The following ADAMTS20 variants were observed in gnomAD, a reference collection of about 807,000 sequenced individuals.
ADAMTS20 encodes the protein ADAM metallopeptidase with thrombospondin type 1 motif 20, also known as A disintegrin and metalloproteinase with thrombospondin motifs 20.
ADAMTS20 carries 225 observed loss-of-function variants against 260.1 expected under a neutral mutation model. That is an observed-to-expected ratio of 0.87 (90% CI 0.78 to 0.97). The LOEUF is 0.97. Ranked by LOEUF, ADAMTS20 falls within the 50% of genes least tolerant of loss-of-function variation. The pLI is 0.00. For missense variants in ADAMTS20, 2,400 were observed against 2,337.7 expected (o/e 1.03, Z -0.55); for synonymous variants, 802 against 769.5 (o/e 1.04, Z -0.70).
At chr12:43,353,566 A>G (rs1939680390), downstream of ADAMTS20, among the ~76,000 whole-genome samples, 1 of 151,992 alleles carries the variant, frequency 6.6e-6, no homozygotes, top group African/African-American at 2.4e-5. Flanking sequence ...TTACTATTTA[A>G]CCCAAACATA....
At chr12:43,403,377 T>G (rs984700842) in intron 28 of ADAMTS20, among the ~76,000 whole-genome samples, 3 of 152,098 alleles carry the variant, frequency 2.0e-5, no homozygotes, top group Non-Finnish European at 4.4e-5. Context: ...TTGTAGGAAA[T>G]GGAAGCCTTG....
At chr12:43,383,453 C>T (rs1940397540) in intron 31 of ADAMTS20, 105 bp downstream of exon 31, 4 of 1,121,844 alleles carry the variant, frequency 3.6e-6, no homozygotes, top group Admixed American at 2.7e-5. Flanking sequence ...ATACCATCAT[C>T]TGCCCTCATA....
At chr12:43,436,983 T>C (rs1483079182) in intron 18 of ADAMTS20, among the ~76,000 whole-genome samples, 1 of 152,214 alleles carries the variant, frequency 6.6e-6, no homozygotes, top group African/African-American at 2.4e-5. Context: ...TTAACTTGTC[T>C]GACCCACAGA....
chr12:43,430,716 T>C (rs905425496), intron 22 of ADAMTS20, among the ~76,000 whole-genome samples: 2 of 152,168 alleles, frequency 1.3e-5, no homozygotes, highest in African/African-American at 2.4e-5. Flanking sequence ...AAAGTTGTCA[T>C]ATAAAAATAT....
chr12:43,458,336 G>A (rs1244798130), intron 11 of ADAMTS20, among the ~76,000 whole-genome samples: 1 of 152,234 alleles, frequency 6.6e-6, no homozygotes, highest in Non-Finnish European at 1.5e-5. Flanking sequence ...GGTTTGTCCT[G>A]AGACGTTCCC....
intron 2 of ADAMTS20, among the ~76,000 whole-genome samples, chr12:43,537,605 G>A (rs1356038367): frequency 6.6e-6 from 1 of 151,820 alleles, no homozygotes; most frequent in Non-Finnish European, 1.5e-5. Flanking sequence ...CTAGCAAATA[G>A]GTCTTACTCA....
At chr12:43,431,544 C>G in intron 21 of ADAMTS20, 48 bp from the exon 22 acceptor site, 1 of 1,598,634 alleles carries the variant, frequency 6.3e-7, no homozygotes, top group Non-Finnish European at 8.6e-7. Context: ...TTAGTCAACA[C>G]AAATGCCTTA....
chr12:43,384,844 T>C (rs1438181481), intron 29 of ADAMTS20, among the ~76,000 whole-genome samples: 1 of 152,228 alleles, frequency 6.6e-6, no homozygotes, highest in Admixed American at 6.5e-5. Context: ...ATTTTCTTTA[T>C]CCAGTCTATT....
intron 11 of ADAMTS20, among the ~76,000 whole-genome samples, chr12:43,456,641 T>G (rs1941968825): frequency 6.6e-6 from 1 of 152,198 alleles, no homozygotes; most frequent in African/African-American, 2.4e-5. Context: ...TCCTCACAGA[T>G]GGAACAATGG....
Position 43,383,613 on chromosome 12 carries a change from T to C in ADAMTS20, c.4742A>G (p.Lys1581Arg). 6.2e-7 allele frequency: 1 copy of C among 1,613,820 alleles called. No individual in the cohort carries two copies. The highest frequency in any genetic ancestry group is 1.3e-5 in the African/African-American group (1 of 75,046). The change falls in exon 31 of 39, where the codon AAG (lysine) becomes AGG (arginine). Residue 1581 changes from lysine to arginine, a missense_variant. Physicochemically the swap from Lys to Arg is conservative, Grantham distance 26 (BLOSUM62 2). Transcript: ENST00000389420. ...YNSSTISLTS[K>R]NCRNPPCNYI... ...ATTGCAAGGAGGGTTCCTGCAATTC[T>C]TGGATGTAAGAGATATGGTTGAAGA...
chr12:43,544,283 G>A (rs1023334156), intron 2 of ADAMTS20, among the ~76,000 whole-genome samples: 1 of 152,176 alleles, frequency 6.6e-6, no homozygotes, highest in Non-Finnish European at 1.5e-5. Context: ...ACTAAAATTG[G>A]TAAAGTAATT....
At chr12:43,404,686 C>T (rs1592051049) in intron 28 of ADAMTS20, among the ~76,000 whole-genome samples, 1 of 152,170 alleles carries the variant, frequency 6.6e-6, no homozygotes, top group Admixed American at 6.5e-5. Context: ...TTTAGTTAAA[C>T]TTCTCTAAGA....
At chr12:43,352,881 G>A (rs1939666421), downstream of ADAMTS20, among the ~76,000 whole-genome samples, 1 of 151,964 alleles carries the variant, frequency 6.6e-6, no homozygotes, top group South Asian at 2.1e-4. Context: ...ACTGGCTTAA[G>A]GCACATAATA....
intron 2 of ADAMTS20, among the ~76,000 whole-genome samples, chr12:43,534,519 A>T (rs1943267269): frequency 6.6e-6 from 1 of 152,188 alleles, no homozygotes; most frequent in African/African-American, 2.4e-5. Flanking sequence ...ATATACTTAC[A>T]AGGTTATTAA....
At chr12:43,468,034 T>C (rs1027920761) in intron 8 of ADAMTS20, among the ~76,000 whole-genome samples, 1 of 152,126 alleles carries the variant, frequency 6.6e-6, no homozygotes, top group South Asian at 2.1e-4. Flanking sequence ...AATCACGGCC[T>C]CTATTCTTAC....
intron 29 of ADAMTS20, among the ~76,000 whole-genome samples, chr12:43,392,389 A>G (rs1565677866): frequency 6.6e-6 from 1 of 152,164 alleles, no homozygotes; most frequent in Non-Finnish European, 1.5e-5. Context: ...CTACAATTCA[A>G]TAAACCACAC....
chr12:43,471,226 G>A (rs553493355), intron 7 of ADAMTS20, among the ~76,000 whole-genome samples: 1 of 152,272 alleles, frequency 6.6e-6, no homozygotes, highest in African/African-American at 2.4e-5. Flanking sequence ...AGGGGTGACG[G>A]ACGCACCTGG....
intron 14 of ADAMTS20, among the ~76,000 whole-genome samples, chr12:43,448,077 C>T (rs1285636227): frequency 6.6e-5 from 10 of 152,130 alleles, no homozygotes; most frequent in Non-Finnish European, 1.2e-4. Context: ...AAGCAATGTA[C>T]ACATCCAATG....
At chr12:43,444,467 A>G (rs949838063) in intron 15 of ADAMTS20, among the ~76,000 whole-genome samples, 1 of 152,186 alleles carries the variant, frequency 6.6e-6, no homozygotes, top group Non-Finnish European at 1.5e-5. Context: ...TATTTTTACA[A>G]GAATACTAAT....
Sources: allele counts gnomAD v4.1 joint callset (sites outside exome capture counted in the v4.1 genomes callset), GRCh38; gene constraint gnomAD v4.1.1; transcripts MANE v1.5; gene names NCBI Gene and HGNC (gene_info 2026-07-23, HGNC 2026-07-21).